The following ANKRD36B variants were observed in gnomAD, a reference collection of about 807,000 sequenced individuals.
ANKRD36B encodes ankyrin repeat domain 36B, also known as ankyrin repeat domain-containing protein 36B.
Under a neutral mutation model 135.7 loss-of-function variants are expected in ANKRD36B, and 37 were observed. That is an observed-to-expected ratio of 0.27 (90% CI 0.21 to 0.36). The LOEUF (loss-of-function observed/expected upper bound fraction) is 0.36, where lower values mean the gene tolerates loss of function less well. ANKRD36B is among the 10% of genes least tolerant of loss of function. The pLI is 1.00. For missense variants in ANKRD36B, 549 were observed against 1,037.1 expected, an observed-to-expected ratio of 0.53 and a Z score of 6.46; for synonymous variants, 179 against 348.1, an observed-to-expected ratio of 0.51 and a Z score of 5.41.
At chr2:97,572,919 C>CTTTTT (rs552100529) in intron 6 of ANKRD36B, among the ~76,000 whole-genome samples, 1 of 139,044 alleles carries the variant, frequency 7.2e-6, no homozygotes, top group South Asian at 2.3e-4. Flanking sequence ...TAGGCTACTT[C>CTTTTT]TTTTTTTTTT....
At chr2:97,547,859 T>A (rs1232781051) in intron 20 of ANKRD36B, 128 bp from the exon 21 acceptor site, 3 of 1,380,774 alleles carry the variant, frequency 2.2e-6, no homozygotes, top group African/African-American at 1.4e-5. Context: ...TGGCTTCTAC[T>A]TTGTGTCTGG....
At chr2:97,573,390 G>T (rs1232477929) in intron 6 of ANKRD36B, among the ~76,000 whole-genome samples, 2 of 152,060 alleles carry the variant, frequency 1.3e-5, no homozygotes, top group African/African-American at 2.4e-5. Context: ...AATAAAAGAG[G>T]ATACAAACAA....
At chr2:97,554,925 T>A in intron 14 of ANKRD36B, 135 bp downstream of exon 14, 1 of 1,182,970 alleles carries the variant, frequency 8.5e-7, no homozygotes, top group Non-Finnish European at 1.2e-6. Context: ...CGAGAACTTA[T>A]TACAGATGAA....
rs1573132921 is a variant in ANKRD36B at position 97,589,698 on chromosome 2, C to T, written c.-13G>A. On this transcript the variant is annotated 5_prime_UTR_variant, in exon 1 of 44. In the 5' UTR this introduces an upstream ATG that the reference lacks. Coordinates refer to ENST00000359901, the MANE Select transcript of ANKRD36B (RefSeq NM_001393939.1). ...ACAAGCGCTCCATGAGGGTGGGCCA[C>T]CTCTCCCGCTCGTCGTCTTCCTTAA... is the stretch of plus-strand genomic sequence containing the variant. 1 of 1,614,098 alleles carries T rather than the reference C, an allele frequency of 6.2e-7. No homozygotes were observed. The highest frequency in any genetic ancestry group is 8.5e-7 in the Non-Finnish European group (1 of 1,180,016).
rs757776502 is a variant in ANKRD36B at position 97,513,172 on chromosome 2, T to A, written c.2805+8A>T. On this transcript the variant is annotated splice_region_variant and intron_variant, in intron 38 of 43. Transcript: ENST00000359901. The stretch of plus-strand genomic sequence containing the variant: ...AGAAATATGAAGTTTTACCAAACAT[T>A]AATTTACCTGATTTGAATTATTTCC... 6.0e-6 allele frequency: 8 copies of A among 1,322,670 alleles called. No homozygotes were observed. The highest frequency in any genetic ancestry group is 8.1e-6 in the Non-Finnish European group (8 of 992,906). The allele number at this position is 1,322,670 out of a possible 1,614,324, so 81.9% of individuals were successfully genotyped here.
chr2:97,581,137 A>G (rs1298886504), intron 3 of ANKRD36B, among the ~76,000 whole-genome samples: 4 of 140,694 alleles, frequency 2.8e-5, no homozygotes, highest in Non-Finnish European at 6.0e-5. Context: ...CTAGTATTTG[A>G]GAAATCTTTT....
intron 6 of ANKRD36B, among the ~76,000 whole-genome samples, chr2:97,572,509 A>G (rs2081950365): frequency 7.4e-6 from 1 of 134,806 alleles, no homozygotes; most frequent in Non-Finnish European, 1.7e-5. Flanking sequence ...TGAAAATTTA[A>G]AAGACATTTA....
Position 97,525,583 on chromosome 2 carries a change from C to A in ANKRD36B, c.2266-2116G>T, listed in dbSNP as rs2078151955. Among the ~76,000 whole-genome samples the A allele has an allele frequency of 3.1e-5, 3 of 95,956 alleles. 1 individual carries two copies. Among genetic ancestry groups the A allele is most frequent in the African/African-American group, 9.4e-5 (3 of 31,942 alleles). The allele number at this position is 95,956 out of a possible 152,430, so 63.0% of individuals were successfully genotyped here. On this transcript the variant is annotated intron_variant, in intron 35 of 43. Transcript: ENST00000359901. ...AGTGGGTGCAGTGCACTGTGCATGA[C>A]CTGAGGGAGGGTGAGGCATTGCCTC...
At chr2:97,587,692 T>G (rs1052151486) in intron 1 of ANKRD36B, among the ~76,000 whole-genome samples, 5 of 152,224 alleles carry the variant, frequency 3.3e-5, no homozygotes, top group African/African-American at 1.2e-4. Context: ...GAAGGGCACA[T>G]ACATTTTTAC....
Position 97,558,951 on chromosome 2 carries a change from T to G in ANKRD36B, c.894+15A>C, listed in dbSNP as rs1228381986. 3.1e-6 allele frequency: 5 copies of G among 1,604,972 alleles called. No homozygotes were observed. The highest frequency in any genetic ancestry group is 4.2e-6 in the Non-Finnish European group (5 of 1,178,650). ...TACGGTTAATAGTTCAACATATAAA[T>G]GAGACTTTAATTACCTTCTCAGCTG... On this transcript the variant is annotated intron_variant, in intron 9 of 43. Transcript: ENST00000359901.
chr2:97,548,061 A>C (rs2079660156), intron 20 of ANKRD36B, among the ~76,000 whole-genome samples: 1 of 151,762 alleles, frequency 6.6e-6, no homozygotes, highest in African/African-American at 2.4e-5. Context: ...CATACACCTG[A>C]GAATCAACGT....
intron 12 of ANKRD36B, 122 bp downstream of exon 12, chr2:97,556,815 C>T (rs1443344893): frequency 3.5e-5 from 50 of 1,449,014 alleles, no homozygotes; most frequent in African/African-American, 8.6e-5. Flanking sequence ...TAGAAATGCA[C>T]AATCTCAGGC....
At chr2:97,586,683 CTCATTT>C (rs1255625103) in intron 1 of ANKRD36B, among the ~76,000 whole-genome samples, 1 of 152,062 alleles carries the variant, frequency 6.6e-6, no homozygotes, top group Non-Finnish European at 1.5e-5. Context: ...CTTATATTTG[CTCATTT>C]TCATTTTCAT....
At chr2:97,546,846 C>G (rs1447180735) in intron 22 of ANKRD36B, among the ~76,000 whole-genome samples, 1 of 151,610 alleles carries the variant, frequency 6.6e-6, no homozygotes, top group Non-Finnish European at 1.5e-5. Context: ...CTATAATCAA[C>G]AAAATATGTA....
chr2:97,531,841 T>C lies in ANKRD36B; in HGVS notation c.2265+470A>G, dbSNP rs1246939974. ...TTATGACCCATTCTCTCCCTCAACA[T>C]AGAAACTGAAGTCAGAGATCAAAAG... On this transcript the variant is annotated intron_variant, in intron 35 of 43. Transcript: ENST00000359901. Among the ~76,000 whole-genome samples the C allele has an allele frequency of 2.1e-5, 2 of 96,474 alleles. 1 individual carries two copies. The highest frequency in any genetic ancestry group is 5.5e-5 in the Non-Finnish European group (2 of 36,352). 63.3% of individuals were successfully genotyped at this position (96,474 alleles called of 152,430 possible).
At chr2:97,496,855 A>ATATATC (rs1559089156) in intron 43 of ANKRD36B, among the ~76,000 whole-genome samples, 1 of 70,546 alleles carries the variant, frequency 1.4e-5, no homozygotes, top group Admixed American at 1.1e-4. Context: ...ATATATATAT[A>ATATATC]TATATCTTTT....
chr2:97,556,887 T>C lies in ANKRD36B; in HGVS notation c.1069+50A>G, dbSNP rs918798881. On this transcript the variant is annotated intron_variant, in intron 12 of 43. Coordinates refer to ENST00000359901, the MANE Select transcript of ANKRD36B (RefSeq NM_001393939.1). The stretch of plus-strand genomic sequence containing the variant: ...ACTGATCTATTCAGGGGTGGGACGT[T>C]CTCTTCTGTCTTGAGTGCACATGAC... The C allele has an allele frequency of 1.8e-5, 28 of 1,545,272 alleles. No individual in the cohort carries two copies. In the African/African-American group the frequency reaches 2.1e-4, roughly 11 times the overall value.
chr2:97,555,560 G>T (rs1355455321), intron 12 of ANKRD36B, among the ~76,000 whole-genome samples: 1 of 151,848 alleles, frequency 6.6e-6, no homozygotes, highest in African/African-American at 2.4e-5. Context: ...AAAATCAGAG[G>T]AGCAACTCAT....
chr2:97,539,140 A>T (rs1224357051), intron 30 of ANKRD36B, among the ~76,000 whole-genome samples: 1 of 97,460 alleles, frequency 1.0e-5, no homozygotes, highest in African/African-American at 3.1e-5. Flanking sequence ...TACATTTGGA[A>T]ATCACTACAA....
Sources: allele counts gnomAD v4.1 joint callset (sites outside exome capture counted in the v4.1 genomes callset), GRCh38; gene constraint gnomAD v4.1.1; transcripts MANE v1.5; gene names NCBI Gene and HGNC (gene_info 2026-07-23, HGNC 2026-07-21).